Variants in PXDNL observed in about 807,000 individuals in gnomAD.
The protein encoded by PXDNL is probable oxidoreductase PXDNL.
A neutral mutation model predicts 150.8 loss-of-function variants in PXDNL; 145 were observed. That is an observed-to-expected ratio of 0.96 (90% CI 0.84 to 1.10). The LOEUF is 1.10. Among genes scored for constraint, PXDNL ranks in the 50% least tolerant of loss-of-function variants. The pLI, the probability that PXDNL is intolerant of heterozygous loss-of-function variation, is 0.00. For missense variants in PXDNL, 2,087 were observed against 1,873.9 expected, an observed-to-expected ratio of 1.11 and a Z score of -2.10; for synonymous variants, 757 against 725.7, an observed-to-expected ratio of 1.04 and a Z score of -0.69.
intron 4 of PXDNL, among the ~76,000 whole-genome samples, chr8:51,537,929 G>T (rs1812120850): frequency 6.6e-6 from 1 of 152,122 alleles, no homozygotes; most frequent in Admixed American, 6.5e-5. Context: ...CAGCTAGCAT[G>T]ACATGCAGCC....
chr8:51,356,749 AG>A (rs1319192695), intron 19 of PXDNL, among the ~76,000 whole-genome samples: 4 of 152,146 alleles, frequency 2.6e-5, no homozygotes, highest in African/African-American at 9.7e-5. Flanking sequence ...TTGTCTCATG[AG>A]GTTTCCCTTT....
intron 21 of PXDNL, among the ~76,000 whole-genome samples, chr8:51,331,203 C>T (rs11786053): frequency 6.6e-6 from 1 of 152,084 alleles, no homozygotes; most frequent in Non-Finnish European, 1.5e-5. Context: ...GGACACACAC[C>T]CCCACTGGAG....
chr8:51,678,521 G>A (rs1815675707), intron 1 of PXDNL, among the ~76,000 whole-genome samples: 1 of 151,536 alleles, frequency 6.6e-6, no homozygotes, highest in Non-Finnish European at 1.5e-5. Context: ...TATACACCAT[G>A]GAATACTATG....
rs577648894 is a variant in PXDNL at position 51,337,459 on chromosome 8, C to T, written c.4146+2165G>A. ...CTCTTCCCTGATACACATTAACTCA[C>T]GAGGATGAAATAGGGTTTCCGGACT... On this transcript the variant is annotated intron_variant, in intron 21 of 22. Coordinates refer to ENST00000356297, the MANE Select transcript of PXDNL (RefSeq NM_144651.5). 6.0e-3 allele frequency among the ~76,000 whole-genome samples: 907 copies of T among 152,310 alleles called. 5 individuals are homozygous for T. Among genetic ancestry groups the T allele is most frequent in the Non-Finnish European group, 9.3e-3 (631 of 68,032 alleles).
chr8:51,587,875 T>C (rs1034786318), intron 3 of PXDNL, among the ~76,000 whole-genome samples: 4 of 152,136 alleles, frequency 2.6e-5, no homozygotes, highest in Admixed American at 6.6e-5. Flanking sequence ...TGCTGACCTA[T>C]GTGATAAATA....
intron 8 of PXDNL, among the ~76,000 whole-genome samples, chr8:51,470,369 A>G (rs1180849604): frequency 1.3e-5 from 2 of 152,170 alleles, no homozygotes; most frequent in Non-Finnish European, 2.9e-5. Flanking sequence ...TCCAAATTAC[A>G]CACAAAAAGC....
chr8:51,781,053 C>T (rs1424265435), intron 1 of PXDNL, among the ~76,000 whole-genome samples: 2 of 152,056 alleles, frequency 1.3e-5, no homozygotes, highest in Non-Finnish European at 1.5e-5. Context: ...TAATCATTTC[C>T]CAGAGGACCT....
chr8:51,682,344 CAA>C (rs1481749458), intron 1 of PXDNL, among the ~76,000 whole-genome samples: 4 of 152,094 alleles, frequency 2.6e-5, no homozygotes, highest in Non-Finnish European at 5.9e-5. Context: ...TATTAAAAAC[CAA>C]AAGAGAATAG....
chr8:51,644,751 C>T (rs574380186), intron 2 of PXDNL, among the ~76,000 whole-genome samples: 67 of 151,846 alleles, frequency 4.4e-4, no homozygotes, highest in African/African-American at 1.4e-3. Flanking sequence ...GTCACCGCGC[C>T]GGGATGATAT....
intron 21 of PXDNL, among the ~76,000 whole-genome samples, chr8:51,333,649 G>T (rs1014484510): frequency 6.6e-6 from 1 of 151,978 alleles, no homozygotes; most frequent in Non-Finnish European, 1.5e-5. Context: ...TAAAGGGGTG[G>T]AAAAAAGCAT....
intron 19 of PXDNL, among the ~76,000 whole-genome samples, chr8:51,347,930 G>C (rs114550306): frequency 6.6e-6 from 1 of 151,888 alleles, no homozygotes; most frequent in South Asian, 2.1e-4. Flanking sequence ...AAATATTTAC[G>C]AAGAATACAA....
At chr8:51,639,633 C>T (rs896913957) in intron 2 of PXDNL, among the ~76,000 whole-genome samples, 2 of 152,152 alleles carry the variant, frequency 1.3e-5, no homozygotes, top group African/African-American at 4.8e-5. Flanking sequence ...GACACATACA[C>T]CCTCCCAAGA....
intron 2 of PXDNL, among the ~76,000 whole-genome samples, chr8:51,624,099 C>CAAAAAAAAAA (rs59841822): frequency 7.5e-5 from 6 of 79,586 alleles, no homozygotes; most frequent in Admixed American, 1.8e-4. Flanking sequence ...TCTCAAATTA[C>CAAAAAAAAAA]AAAAAAAAAA....
At chr8:51,627,295 A>G (rs1490558770) in intron 2 of PXDNL, among the ~76,000 whole-genome samples, 1 of 152,188 alleles carries the variant, frequency 6.6e-6, no homozygotes, top group Non-Finnish European at 1.5e-5. Flanking sequence ...AGATAAAATC[A>G]AGACACTTGG....
intron 1 of PXDNL, among the ~76,000 whole-genome samples, chr8:51,758,719 T>A (rs2037129676): frequency 6.6e-6 from 1 of 152,210 alleles, no homozygotes; most frequent in Non-Finnish European, 1.5e-5. Flanking sequence ...CCTTCTGCCA[T>A]GACTGTAAGT....
At chr8:51,744,096 A>AGG (rs2036943754) in intron 1 of PXDNL, among the ~76,000 whole-genome samples, 1 of 123,738 alleles carries the variant, frequency 8.1e-6, no homozygotes, top group African/African-American at 3.1e-5. Flanking sequence ...GAAGGAAGGA[A>AGG]AGAAAGAAAG....
intron 1 of PXDNL, among the ~76,000 whole-genome samples, chr8:51,672,514 G>A (rs895923793): frequency 1.3e-5 from 2 of 152,134 alleles, no homozygotes; most frequent in East Asian, 3.9e-4. Flanking sequence ...AAGAAGAATA[G>A]TAGAGAAGGA....
At chr8:51,706,304 T>A (rs1816376916) in intron 1 of PXDNL, among the ~76,000 whole-genome samples, 1 of 151,438 alleles carries the variant, frequency 6.6e-6, no homozygotes, top group South Asian at 2.1e-4. Flanking sequence ...TGGGTGATAA[T>A]GAGAGCGAAA....
chr8:51,543,151 A>G (rs1342278288), intron 4 of PXDNL, among the ~76,000 whole-genome samples: 1 of 152,218 alleles, frequency 6.6e-6, no homozygotes, highest in Admixed American at 6.5e-5. Context: ...AAGATTTAGA[A>G]TTTTAAAGTG....
Sources: gnomAD v4.1 joint callset for allele counts (sites outside exome capture counted in the v4.1 genomes callset) on GRCh38, gnomAD v4.1.1 for gene constraint, MANE v1.5 for transcripts, NCBI Gene and HGNC (gene_info 2026-07-23, HGNC 2026-07-21) for gene names.